The following MTCL3 variants were observed in gnomAD, a reference collection of about 807,000 sequenced individuals.
The protein encoded by MTCL3 is MTCL family member 3.
the MTCL3 span, among the ~76,000 whole-genome samples, chr6:127,478,630 G>T: frequency 1.3e-5 from 2 of 152,172 alleles, no homozygotes; most frequent in Non-Finnish European, 2.9e-5. Context: ...TAGAGCTCAG[G>T]TCTAGAAGTG....
chr6:127,483,128 C>T, the MTCL3 span: 10 of 587,518 alleles, frequency 1.7e-5, no homozygotes, highest in South Asian at 2.9e-4. Flanking sequence ...GAAAAAAAAT[C>T]CTAAACCAGA....
chr6:127,483,048 T>C, the MTCL3 span: 3 of 1,359,344 alleles, frequency 2.2e-6, no homozygotes, highest in Admixed American at 4.1e-5. Context: ...TTTATGTTTT[T>C]AAGTATTCTA....
chr6:127,499,201 A>G, the MTCL3 span, among the ~76,000 whole-genome samples: 4 of 152,168 alleles, frequency 2.6e-5, no homozygotes, highest in African/African-American at 4.8e-5. Flanking sequence ...AAAATATTGT[A>G]CCCTTAAAAA....
the MTCL3 span, among the ~76,000 whole-genome samples, chr6:127,483,605 A>C: frequency 6.6e-6 from 1 of 152,156 alleles, no homozygotes; most frequent in African/African-American, 2.4e-5. Context: ...TTTACAAGAG[A>C]AGCTGGGAAT....
the MTCL3 span, among the ~76,000 whole-genome samples, chr6:127,495,648 A>T: frequency 6.6e-6 from 1 of 152,222 alleles, no homozygotes; most frequent in Admixed American, 6.5e-5. Context: ...ACAATTACAT[A>T]TTTAAGATAT....
the MTCL3 span, chr6:127,475,410 G>A: frequency 6.2e-7 from 1 of 1,613,298 alleles, no homozygotes; most frequent in South Asian, 1.1e-5. The surrounding 1 kb of genome is among the most constrained non-coding windows in gnomAD (Gnocchi z 7.3). Flanking sequence ...CGTTGATGCG[G>A]TAGAGCAGCT....
At chr6:127,501,098 C>A in the MTCL3 span, among the ~76,000 whole-genome samples, 41 of 152,214 alleles carry the variant, frequency 2.7e-4, 1 homozygote, top group Non-Finnish European at 7.3e-5. Context: ...AGGCATGAGC[C>A]ACTGCTCCTG....
the MTCL3 span, among the ~76,000 whole-genome samples, chr6:127,500,506 G>A: frequency 2.0e-5 from 3 of 151,764 alleles, no homozygotes; most frequent in African/African-American, 7.3e-5. Context: ...GCATTGAATT[G>A]TTTGAATACC....
At chr6:127,476,249 GC>G in the MTCL3 span, 2 of 1,614,154 alleles carry the variant, frequency 1.2e-6, no homozygotes, top group Non-Finnish European at 1.7e-6. The surrounding 1 kb of genome is among the most constrained non-coding windows in gnomAD (Gnocchi z 4.4). Context: ...TCCTCCACCA[GC>G]CTTAGCCGTA....
At chr6:127,486,808 G>A in the MTCL3 span, among the ~76,000 whole-genome samples, 1 of 151,986 alleles carries the variant, frequency 6.6e-6, no homozygotes, top group East Asian at 1.9e-4. Context: ...AAAATGTTTT[G>A]AGATTATCTT....
the MTCL3 span, among the ~76,000 whole-genome samples, chr6:127,473,663 A>T: frequency 6.6e-6 from 1 of 152,230 alleles, no homozygotes; most frequent in Non-Finnish European, 1.5e-5. Context: ...AAGCAGAGCA[A>T]CATGCAAGAT....
At chr6:127,517,777 G>T in the MTCL3 span, 1 of 152,128 alleles carries the variant, frequency 6.6e-6, no homozygotes, top group African/African-American at 2.4e-5. Context: ...CTGAAAAATA[G>T]CAAGTTACTG....
the MTCL3 span, among the ~76,000 whole-genome samples, chr6:127,485,760 A>T: frequency 6.6e-6 from 1 of 152,196 alleles, no homozygotes; most frequent in African/African-American, 2.4e-5. Context: ...TTATAATGAT[A>T]AAAAGGATGC....
chr6:127,506,674 G>C, the MTCL3 span, among the ~76,000 whole-genome samples: 1 of 151,998 alleles, frequency 6.6e-6, no homozygotes, highest in East Asian at 1.9e-4. Context: ...TCCGCCTCTC[G>C]GGTTCATAAC....
the MTCL3 span, chr6:127,475,956 C>T: frequency 3.7e-5 from 59 of 1,612,128 alleles, no homozygotes; most frequent in East Asian, 1.2e-3. The surrounding 1 kb of genome is among the most constrained non-coding windows in gnomAD (Gnocchi z 7.3). Flanking sequence ...CGTGGTGCCG[C>T]GCGCTGTCGT....
At chr6:127,493,646 C>A in the MTCL3 span, among the ~76,000 whole-genome samples, 1 of 152,180 alleles carries the variant, frequency 6.6e-6, no homozygotes. Flanking sequence ...CCCATAAGGC[C>A]AGGTACCGTT....
chr6:127,506,238 C>T, the MTCL3 span, among the ~76,000 whole-genome samples: 2 of 152,102 alleles, frequency 1.3e-5, no homozygotes, highest in East Asian at 1.9e-4. Flanking sequence ...ATAGAAAAGA[C>T]CTGTCAAGTA....
chr6:127,514,651 C>G, the MTCL3 span, among the ~76,000 whole-genome samples: 1 of 152,212 alleles, frequency 6.6e-6, no homozygotes, highest in East Asian at 1.9e-4. Context: ...TTAGAGCCAC[C>G]TGCCAGTTCT....
At chr6:127,481,405 A>G in the MTCL3 span, 2 of 985,276 alleles carry the variant, frequency 2.0e-6, no homozygotes, top group Non-Finnish European at 2.4e-6. Context: ...AAAAAATGAT[A>G]TCATGGTCTT....
Sources: gnomAD v4.1 joint callset for allele counts (sites outside exome capture counted in the v4.1 genomes callset) on GRCh38, gnomAD v4.1.1 for gene constraint, Gnocchi (gnomAD v3.1) non-coding constraint, MANE v1.5 for transcripts, NCBI Gene and HGNC (gene_info 2026-07-23, HGNC 2026-07-21) for gene names.